Variants in SLC14A2 observed in about 807,000 individuals in gnomAD.
SLC14A2 encodes solute carrier family 14 member 2, also known as urea transporter 2.
Under a neutral mutation model 104.6 loss-of-function variants are expected in SLC14A2, and 91 were observed. That is an observed-to-expected ratio of 0.87 (90% CI 0.73 to 1.04). The LOEUF (loss-of-function observed/expected upper bound fraction) is 1.04, where lower values mean the gene tolerates loss of function less well. SLC14A2 is among the 50% of genes least tolerant of loss of function. The pLI, the probability that SLC14A2 is intolerant of heterozygous loss-of-function variation, is 0.00. For missense variants in SLC14A2, 1,189 were observed against 1,156.0 expected, an observed-to-expected ratio of 1.03 and a Z score of -0.41; for synonymous variants, 476 against 466.4, an observed-to-expected ratio of 1.02 and a Z score of -0.27.
chr18:45,423,688 A>G (rs1474793744), intron 1 of SLC14A2: 3 of 152,228 alleles, frequency 2.0e-5, no homozygotes, highest in Admixed American at 1.3e-4. Context: ...TAAAAAAATA[A>G]TTTTGTTAAA....
intron 1 of SLC14A2, among the ~76,000 whole-genome samples, chr18:45,255,108 T>G (rs1311450207): frequency 2.0e-5 from 3 of 152,052 alleles, no homozygotes; most frequent in Non-Finnish European, 4.4e-5. Flanking sequence ...CTTCTTTCCT[T>G]CTCTCTCTTC....
chr18:45,173,783 A>T, the SLC14A2 span, among the ~76,000 whole-genome samples: 1 of 152,074 alleles, frequency 6.6e-6, no homozygotes, highest in African/African-American at 2.4e-5. Flanking sequence ...TTTGCTAGCA[A>T]CCTGGCTGTG....
At chr18:45,272,836 T>C (rs1373825670) in intron 1 of SLC14A2, among the ~76,000 whole-genome samples, 2 of 152,126 alleles carry the variant, frequency 1.3e-5, no homozygotes, top group Non-Finnish European at 2.9e-5. Flanking sequence ...TTATTTCACA[T>C]TGCATGCCTG....
intron 2 of SLC14A2, among the ~76,000 whole-genome samples, chr18:45,575,628 T>G (rs1027965478): frequency 6.6e-6 from 1 of 152,184 alleles, no homozygotes; most frequent in African/African-American, 2.4e-5. Flanking sequence ...TTTGCTTTCA[T>G]TTTCCTCTGG....
rs778732898 is a variant in SLC14A2, at chr18:45,667,014, T to C, written c.1637T>C (p.Met546Thr). ...ISKTSWIRSS[M>T]AASGKRVSKA... ...AAGACATCCTGGATTCGGAGTTCCA[T>C]GGCTGCCAGTGGGAAAAGGGTCAGC... Residue 546 changes from methionine (M) to threonine (T), a missense_variant, in exon 13 of 20, where the codon ATG becomes ACG. Met to Thr is a moderately conservative substitution (Grantham distance 81). Transcript: ENST00000255226. 1.9e-5 allele frequency: 30 copies of C among 1,613,802 alleles called. 1 individual carries two copies. Among genetic ancestry groups the C allele is most frequent in the South Asian group, 4.4e-5 (4 of 91,078 alleles).
At chr18:45,283,136 G>T (rs2084779864) in intron 1 of SLC14A2, among the ~76,000 whole-genome samples, 1 of 152,116 alleles carries the variant, frequency 6.6e-6, no homozygotes, top group African/African-American at 2.4e-5. Flanking sequence ...ACTTCTATAA[G>T]CCCAAAGTGC....
At chr18:45,213,626 G>A (rs2083981332) in intron 1 of SLC14A2, among the ~76,000 whole-genome samples, 1 of 152,202 alleles carries the variant, frequency 6.6e-6, no homozygotes, top group South Asian at 2.1e-4. Context: ...AGGTGACTGA[G>A]TAACATGGAA....
intron 1 of SLC14A2, among the ~76,000 whole-genome samples, chr18:45,355,890 T>G (rs1453821725): frequency 6.6e-6 from 1 of 152,144 alleles, no homozygotes. Flanking sequence ...CTAGATGGGT[T>G]AATCTCAACC....
chr18:45,628,886 G>A (rs919055520), intron 4 of SLC14A2, among the ~76,000 whole-genome samples: 2 of 152,178 alleles, frequency 1.3e-5, no homozygotes, highest in African/African-American at 4.8e-5. Context: ...GAGAAGCACT[G>A]TCATATCTTA....
chr18:45,618,828 T>C (rs541653694), intron 1 of SLC14A2, among the ~76,000 whole-genome samples: 1 of 151,682 alleles, frequency 6.6e-6, no homozygotes, highest in African/African-American at 2.4e-5. Flanking sequence ...ACTCAAGAAA[T>C]CCCTTTGAAC....
intron 1 of SLC14A2, among the ~76,000 whole-genome samples, chr18:45,426,888 C>A (rs1221199535): frequency 2.0e-5 from 3 of 152,022 alleles, no homozygotes; most frequent in Non-Finnish European, 4.4e-5. Context: ...CAATTCTGGA[C>A]CACCTATTGC....
rs114094373 is a variant in SLC14A2 at position 45,300,122 on chromosome 18, C to A, written c.-125+86931C>A. Among the ~76,000 whole-genome samples the A allele has an allele frequency of 3.0e-3, 458 of 152,110 alleles. 2 individuals carry two copies. Among genetic ancestry groups the A allele is most frequent in the African/African-American group, 0.011 (443 of 41,498 alleles). ...TATATTTCAAAAGACAAGGCTATCA[C>A]GAGAAAGGAAAAAAACAAGACTGAC... On this transcript the variant is annotated intron_variant, in intron 1 of 20. Transcript: ENST00000586448.
chr18:45,244,320 A>T (rs778687149), intron 1 of SLC14A2, among the ~76,000 whole-genome samples: 2 of 152,032 alleles, frequency 1.3e-5, no homozygotes, highest in East Asian at 1.9e-4. Flanking sequence ...AACTCTTTTT[A>T]AAAAAGCCGG....
intron 10 of SLC14A2, among the ~76,000 whole-genome samples, chr18:45,651,630 T>G (rs953897314): frequency 2.6e-5 from 4 of 152,174 alleles, no homozygotes; most frequent in African/African-American, 9.7e-5. Context: ...CGGTTGGAGA[T>G]GCTTGTTTGG....
At position 45,226,798 on chromosome 18, in the gene SLC14A2, A is replaced by G. The variant is rs1041608905; in HGVS notation, c.-125+13607A>G. Among the ~76,000 whole-genome samples, 85 of 149,274 alleles carry G rather than the reference A, an allele frequency of 5.7e-4. 1 individual carries two copies. Among genetic ancestry groups the G allele is most frequent in the Non-Finnish European group, 1.9e-4 (13 of 66,988 alleles). On this transcript the variant is annotated intron_variant, in intron 1 of 20. Coordinates refer to the SLC14A2 transcript ENST00000586448. ...GCATGTTGTGCACATGTACCCTAGA[A>G]CTTAAATAATAATAATAATAAAATA...
chr18:45,328,300 G>A (rs1213251489), intron 1 of SLC14A2, among the ~76,000 whole-genome samples: 1 of 152,152 alleles, frequency 6.6e-6, no homozygotes, highest in Non-Finnish European at 1.5e-5. Flanking sequence ...GCATCTCAGG[G>A]TATGCTGCTT....
At chr18:45,195,586 T>A in the SLC14A2 span, among the ~76,000 whole-genome samples, 1 of 152,128 alleles carries the variant, frequency 6.6e-6, no homozygotes, top group East Asian at 1.9e-4. Context: ...GAGATGGGGT[T>A]TCTTTATGTT....
In SLC14A2 at chr18:45,622,552, C is replaced by T. The variant is rs1343413708; in HGVS notation, c.-34-2079C>T. 3.3e-5 allele frequency among the ~76,000 whole-genome samples: 5 copies of T among 152,186 alleles called. No homozygotes were observed. In the East Asian group the frequency reaches 7.7e-4, roughly 24 times the overall value. On this transcript the variant is annotated intron_variant, in intron 1 of 19. Transcript: ENST00000255226. Reference sequence around the variant, plus strand: ...GGGTCATCGGCAGGGAGATGGAATACGAAGCCATGCTGAGGGCTGACGTCA... The same window carrying T: ...GGGTCATCGGCAGGGAGATGGAATATGAAGCCATGCTGAGGGCTGACGTCA...
intron 2 of SLC14A2, among the ~76,000 whole-genome samples, chr18:45,550,793 G>A (rs1265334892): frequency 2.0e-5 from 3 of 152,194 alleles, no homozygotes; most frequent in African/African-American, 7.2e-5. Flanking sequence ...CACTATAGAA[G>A]GTTTCCTTCT....
Sources: allele counts gnomAD v4.1 joint callset (sites outside exome capture counted in the v4.1 genomes callset), GRCh38; gene constraint gnomAD v4.1.1; transcripts MANE v1.5; gene names NCBI Gene and HGNC (gene_info 2026-07-23, HGNC 2026-07-21).